Variants in PRIM2 observed in about 807,000 individuals in gnomAD.
PRIM2 encodes DNA primase subunit 2, also known as DNA primase large subunit.
Under a neutral mutation model 67.3 loss-of-function variants are expected in PRIM2, and 39 were observed. That is an observed-to-expected ratio of 0.58 (90% CI 0.45 to 0.76). The LOEUF is 0.76. Among genes scored for constraint, PRIM2 ranks in the 30% least tolerant of loss-of-function variants. PRIM2 has a pLI of 0.00. For missense variants in PRIM2, 398 were observed against 598.7 expected, an observed-to-expected ratio of 0.66 and a Z score of 3.50; for synonymous variants, 143 against 198.7, an observed-to-expected ratio of 0.72 and a Z score of 2.36.
Position 57,370,618 on chromosome 6 carries a change from T to G in PRIM2, c.460-9283T>G, listed in dbSNP as rs569555342. ...GACATGAAATTTAGATCGAAGTGCA[T>G]GATTTAGAGTGTGTTTGCTTACTTT... On this transcript the variant is annotated intron_variant, in intron 5 of 13. Transcript: ENST00000615550. Among the ~76,000 whole-genome samples, 31 of 151,884 alleles carry G rather than the reference T, an allele frequency of 2.0e-4. No individual in the cohort carries two copies. The East Asian group carries it at 4.8e-3, about 24-fold the overall frequency.
intron 10 of PRIM2, among the ~76,000 whole-genome samples, chr6:57,538,873 C>G (rs1377150423): frequency 5.3e-5 from 8 of 152,246 alleles, no homozygotes; most frequent in African/African-American, 1.9e-4. Flanking sequence ...GGGATTAGGG[C>G]CCCACACTCA....
At chr6:57,567,511 G>A (rs1200204678) in intron 10 of PRIM2, among the ~76,000 whole-genome samples, 2 of 152,104 alleles carry the variant, frequency 1.3e-5, no homozygotes, top group Non-Finnish European at 2.9e-5. Flanking sequence ...CTTGTGATGG[G>A]TTTATCAGGA....
chr6:57,429,846 C>G (rs1771760055), intron 7 of PRIM2, among the ~76,000 whole-genome samples: 1 of 152,174 alleles, frequency 6.6e-6, no homozygotes, highest in South Asian at 2.1e-4. Context: ...GTGGCTTAAT[C>G]CTGGCCATTT....
At chr6:57,340,212 GC>G (rs1768422420) in intron 5 of PRIM2, among the ~76,000 whole-genome samples, 1 of 152,206 alleles carries the variant, frequency 6.6e-6, no homozygotes, top group Admixed American at 6.5e-5. Flanking sequence ...AACAACAGGT[GC>G]TGGAGAGGAT....
the PRIM2 span, among the ~76,000 whole-genome samples, chr6:57,286,297 C>A: frequency 2.0e-5 from 3 of 152,138 alleles, no homozygotes; most frequent in Non-Finnish European, 4.4e-5. Flanking sequence ...CCCGTATAGC[C>A]AAGACAATGC....
chr6:57,231,220 C>T, the PRIM2 span, among the ~76,000 whole-genome samples: 4 of 152,170 alleles, frequency 2.6e-5, no homozygotes, highest in Non-Finnish European at 5.9e-5. Context: ...CAACTTAATC[C>T]TCTTGGAAAG....
At chr6:57,365,605 G>A (rs1398679642) in intron 5 of PRIM2, among the ~76,000 whole-genome samples, 1 of 151,786 alleles carries the variant, frequency 6.6e-6, no homozygotes, top group South Asian at 2.1e-4. Context: ...TTTGAATATT[G>A]TCACTTTCCA....
At chr6:57,554,130 G>T (rs1414902279) in intron 10 of PRIM2, among the ~76,000 whole-genome samples, 1 of 151,092 alleles carries the variant, frequency 6.6e-6, no homozygotes, top group Non-Finnish European at 1.5e-5. Context: ...TAATGCCTTG[G>T]TAAAACCATT....
At chr6:57,429,548 G>A (rs4435946) in intron 7 of PRIM2, among the ~76,000 whole-genome samples, 1 of 152,076 alleles carries the variant, frequency 6.6e-6, no homozygotes, top group East Asian at 1.9e-4. Flanking sequence ...CTGAATTGTG[G>A]CCCCCCAACA....
chr6:57,364,273 G>A (rs1389198061), intron 5 of PRIM2, among the ~76,000 whole-genome samples: 1 of 151,986 alleles, frequency 6.6e-6, no homozygotes, highest in South Asian at 2.1e-4. Flanking sequence ...ATTTCCTTGC[G>A]TGGTTGGTTA....
intron 7 of PRIM2, among the ~76,000 whole-genome samples, chr6:57,478,337 G>GTT (rs1170764739): frequency 6.1e-5 from 8 of 130,662 alleles, no homozygotes; most frequent in Non-Finnish European, 9.6e-5. Flanking sequence ...TTTTTTTTTT[G>GTT]TTTTTTTTTT....
chr6:57,480,647 T>G (rs1174068480), intron 7 of PRIM2, among the ~76,000 whole-genome samples: 2 of 152,208 alleles, frequency 1.3e-5, no homozygotes, highest in African/African-American at 2.4e-5. Context: ...TCTTCCTTTT[T>G]GAGATGGAGT....
intron 7 of PRIM2, among the ~76,000 whole-genome samples, chr6:57,422,903 T>G (rs1763256604): frequency 6.6e-6 from 1 of 152,176 alleles, no homozygotes; most frequent in African/African-American, 2.4e-5. Flanking sequence ...AGATGCCCCA[T>G]TTACTTGAAA....
chr6:57,339,944 C>T (rs1489871829), intron 5 of PRIM2, among the ~76,000 whole-genome samples: 8 of 151,436 alleles, frequency 5.3e-5, no homozygotes, highest in African/African-American at 1.2e-4. Context: ...AGAAAATTTT[C>T]GCAACCTACT....
At chr6:57,551,174 A>T (rs1775392934) in intron 10 of PRIM2, among the ~76,000 whole-genome samples, 1 of 152,196 alleles carries the variant, frequency 6.6e-6, no homozygotes, top group African/African-American at 2.4e-5. Context: ...ATTACTCTTT[A>T]TAGTAAGAGA....
chr6:57,439,349 C>G (rs1772120160), intron 7 of PRIM2, among the ~76,000 whole-genome samples: 1 of 147,078 alleles, frequency 6.8e-6, no homozygotes, highest in Non-Finnish European at 1.5e-5. Context: ...ATTTTACTAC[C>G]TTTGCTCTGT....
At chr6:57,548,900 A>G (rs1182977976) in intron 10 of PRIM2, among the ~76,000 whole-genome samples, 5,088 of 152,226 alleles carry the variant, frequency 0.033, 267 homozygotes, top group African/African-American at 0.11. Context: ...AACACCTTCC[A>G]TAAGTGTGCT....
intron 5 of PRIM2, among the ~76,000 whole-genome samples, chr6:57,377,452 A>C (rs540899663): frequency 6.6e-6 from 1 of 150,498 alleles, no homozygotes; most frequent in South Asian, 2.1e-4. Context: ...ATTGAAGCTT[A>C]GGAGGATTAT....
At chr6:57,437,538 C>T (rs1170256596) in intron 7 of PRIM2, among the ~76,000 whole-genome samples, 1 of 151,614 alleles carries the variant, frequency 6.6e-6, no homozygotes, top group Non-Finnish European at 1.5e-5. Flanking sequence ...GACACAGGAA[C>T]AAAAAGTTTT....
Sources: gnomAD v4.1 joint callset for allele counts (sites outside exome capture counted in the v4.1 genomes callset) on GRCh38, gnomAD v4.1.1 for gene constraint, MANE v1.5 for transcripts, NCBI Gene and HGNC (gene_info 2026-07-23, HGNC 2026-07-21) for gene names.